Variants in CPEB3 observed in about 807,000 individuals in gnomAD.
The protein encoded by CPEB3 is cytoplasmic polyadenylation element binding protein 3.
CPEB3 carries 20 observed loss-of-function variants against 67.2 expected under a neutral mutation model. The ratio of observed to expected loss-of-function variants is 0.30; its 90% CI spans 0.21 to 0.43. CPEB3 has a LOEUF of 0.43. Ranked by LOEUF, CPEB3 falls within the 20% of genes least tolerant of loss-of-function variation. The pLI is 1.00. For synonymous variants in CPEB3, 376 were observed against 393.1 expected (o/e 0.96, Z 0.51); for missense variants, 746 against 968.6 (o/e 0.77, Z 3.05).
At chr10:92,103,145 T>C (rs535599173) in intron 7 of CPEB3, among the ~76,000 whole-genome samples, 1 of 152,234 alleles carries the variant, frequency 6.6e-6, no homozygotes, top group Non-Finnish European at 1.5e-5. Flanking sequence ...GGTAGGAAAA[T>C]AGGGTATATT....
intron 4 of CPEB3, among the ~76,000 whole-genome samples, chr10:92,165,018 A>AT (rs1395771010): frequency 6.6e-6 from 1 of 152,212 alleles, no homozygotes; most frequent in Non-Finnish European, 1.5e-5. Context: ...AATACAGCAA[A>AT]TATCACAGTA....
chr10:92,268,037 C>T (rs1853138857), intron 1 of CPEB3, among the ~76,000 whole-genome samples: 1 of 152,036 alleles, frequency 6.6e-6, no homozygotes, highest in Admixed American at 6.6e-5. Context: ...AGGATGGTCT[C>T]GATCTCTTGA....
chr10:92,254,334 A>C (rs1483068549), intron 1 of CPEB3, among the ~76,000 whole-genome samples: 2 of 152,190 alleles, frequency 1.3e-5, no homozygotes, highest in Non-Finnish European at 2.9e-5. Context: ...TAACCTAGAA[A>C]GCTTTTAAAA....
At chr10:92,173,097 G>C (rs1848078718) in intron 4 of CPEB3, among the ~76,000 whole-genome samples, 1 of 152,078 alleles carries the variant, frequency 6.6e-6, no homozygotes, top group Non-Finnish European at 1.5e-5. Flanking sequence ...TCAAGCCAGG[G>C]ACCAACTGTG....
chr10:92,253,711 T>C (rs1852403331), intron 1 of CPEB3, among the ~76,000 whole-genome samples: 1 of 151,738 alleles, frequency 6.6e-6, no homozygotes, highest in South Asian at 2.1e-4. Flanking sequence ...GCCACTGCAC[T>C]ACAGCCTGGG....
At chr10:92,201,559 C>A (rs1324256373) in intron 2 of CPEB3, among the ~76,000 whole-genome samples, 4 of 149,058 alleles carry the variant, frequency 2.7e-5, no homozygotes, top group Non-Finnish European at 4.4e-5. Context: ...CAAACAAAAA[C>A]CAACAAAAAT....
At chr10:92,143,519 T>C (rs765715340) in intron 5 of CPEB3, among the ~76,000 whole-genome samples, 1 of 152,226 alleles carries the variant, frequency 6.6e-6, no homozygotes, top group Non-Finnish European at 1.5e-5. Flanking sequence ...TAGGAACCTC[T>C]AAGATTATTT....
intron 9 of CPEB3, among the ~76,000 whole-genome samples, chr10:92,055,956 T>G (rs1842094570): frequency 6.6e-6 from 1 of 152,202 alleles, no homozygotes; most frequent in Non-Finnish European, 1.5e-5. Context: ...AGATAGAAGC[T>G]GCAGTGAGCC....
At chr10:92,093,263 ATGAC>A (rs2133316769) in intron 7 of CPEB3, among the ~76,000 whole-genome samples, 1 of 152,246 alleles carries the variant, frequency 6.6e-6, no homozygotes, top group Non-Finnish European at 1.5e-5. Context: ...CCACCAATGA[ATGAC>A]TAAGATAGAA....
chr10:92,204,867 G>A (rs1849703944), intron 2 of CPEB3, among the ~76,000 whole-genome samples: 1 of 132,456 alleles, frequency 7.5e-6, no homozygotes, highest in South Asian at 2.4e-4. Context: ...TTGAGACAGA[G>A]TCTTGATCTG....
intron 1 of CPEB3, among the ~76,000 whole-genome samples, chr10:92,278,874 C>A (rs1842125361): frequency 6.6e-6 from 1 of 152,108 alleles, no homozygotes; most frequent in Middle Eastern, 3.2e-3. Context: ...GCTGGGATTA[C>A]AGGCATGAGC....
At chr10:92,171,680 T>G (rs572850434) in intron 4 of CPEB3, among the ~76,000 whole-genome samples, 1 of 151,692 alleles carries the variant, frequency 6.6e-6, no homozygotes, top group Non-Finnish European at 1.5e-5. Flanking sequence ...AGTGGTGTGA[T>G]CTCGGCTCAC....
intron 4 of CPEB3, among the ~76,000 whole-genome samples, chr10:92,162,200 G>A (rs1335042062): frequency 6.6e-6 from 1 of 151,578 alleles, no homozygotes; most frequent in Non-Finnish European, 1.5e-5. Flanking sequence ...GCAATTTAGA[G>A]CCCATACGAA....
At chr10:92,253,733 C>T (rs1852404083) in intron 1 of CPEB3, among the ~76,000 whole-genome samples, 1 of 151,618 alleles carries the variant, frequency 6.6e-6, no homozygotes, top group Non-Finnish European at 1.5e-5. Context: ...GACAGTGAGA[C>T]TCTGCCTCAA....
chr10:92,226,742 A>C (rs1850993575), intron 2 of CPEB3, among the ~76,000 whole-genome samples: 1 of 152,060 alleles, frequency 6.6e-6, no homozygotes, highest in Non-Finnish European at 1.5e-5. Context: ...ACAGAACATC[A>C]AAGGCATATT....
At chr10:92,238,375 T>C (rs962044425) in intron 2 of CPEB3, among the ~76,000 whole-genome samples, 5 of 152,308 alleles carry the variant, frequency 3.3e-5, no homozygotes, top group African/African-American at 4.8e-5. Context: ...AAGGACACTC[T>C]TCATTTCAAC....
chr10:92,089,666 C>T (rs1424244847), intron 8 of CPEB3, among the ~76,000 whole-genome samples: 4 of 151,934 alleles, frequency 2.6e-5, no homozygotes, highest in African/African-American at 9.7e-5. Context: ...GCCTGTAGTC[C>T]CAACTACTCG....
chr10:92,258,884 T>G (rs1315183413), intron 1 of CPEB3, among the ~76,000 whole-genome samples: 3 of 150,770 alleles, frequency 2.0e-5, no homozygotes, highest in African/African-American at 4.9e-5. Flanking sequence ...GGTCTCCATC[T>G]CTTGACCTCA....
intron 7 of CPEB3, among the ~76,000 whole-genome samples, chr10:92,094,658 A>T (rs1382471836): frequency 6.6e-6 from 1 of 152,090 alleles, no homozygotes; most frequent in African/African-American, 2.4e-5. Context: ...TGACTAAATT[A>T]TCATTCCCTT....
Sources: allele counts gnomAD v4.1 joint callset (sites outside exome capture counted in the v4.1 genomes callset), GRCh38; gene constraint gnomAD v4.1.1; transcripts MANE v1.5; gene names NCBI Gene and HGNC (gene_info 2026-07-23, HGNC 2026-07-21).